RBFOX1: variants seen among roughly 807,000 people sequenced by gnomAD.
The protein encoded by RBFOX1 is RNA binding protein fox-1 homolog 1.
A neutral mutation model predicts 57.7 loss-of-function variants in RBFOX1; 8 were observed. The ratio of observed to expected loss-of-function variants is 0.14; its 90% CI spans 0.08 to 0.25. The LOEUF (loss-of-function observed/expected upper bound fraction) is 0.25. Ranked by LOEUF, RBFOX1 falls within the 10% of genes least tolerant of loss-of-function variation. The pLI is 1.00. For missense variants in RBFOX1, 611 were observed against 548.5 expected, an observed-to-expected ratio of 1.11 and a Z score of -1.14; for synonymous variants, 326 against 222.4, an observed-to-expected ratio of 1.47 and a Z score of -4.15.
chr16:6,381,290 T>C (rs2091788967), intron 2 of RBFOX1, among the ~76,000 whole-genome samples: 1 of 152,300 alleles, frequency 6.6e-6, no homozygotes, highest in Non-Finnish European at 1.5e-5. Flanking sequence ...ATAGTAAACA[T>C]TGTACCCAAA....
intron 3 of RBFOX1, among the ~76,000 whole-genome samples, chr16:6,826,646 C>G (rs144794960): frequency 1.2e-4 from 18 of 151,940 alleles, no homozygotes; most frequent in Admixed American, 2.0e-4. Flanking sequence ...AAAAACCTTC[C>G]TTTTTTTCTT....
At chr16:5,593,290 A>G (rs548147095) in intron 2 of RBFOX1, among the ~76,000 whole-genome samples, 21 of 152,008 alleles carry the variant, frequency 1.4e-4, no homozygotes, top group Non-Finnish European at 2.2e-4. Flanking sequence ...GAGTTGAACA[A>G]TAAGAACACA....
intron 2 of RBFOX1, among the ~76,000 whole-genome samples, chr16:5,551,791 G>A (rs879891871): frequency 1.8e-5 from 2 of 111,232 alleles, no homozygotes; most frequent in East Asian, 5.6e-4. Context: ...CCCTCCCTCC[G>A]CCCCCCACCC....
chr16:5,378,195 C>A (rs74003899), intron 1 of RBFOX1, among the ~76,000 whole-genome samples: 14,063 of 151,526 alleles, frequency 0.093, 1,158 homozygotes, highest in African/African-American at 0.17. Flanking sequence ...ACAGCTTCTC[C>A]TTGGGAAGTA....
At chr16:5,628,467 T>A (rs949788246) in intron 3 of RBFOX1, among the ~76,000 whole-genome samples, 79 of 152,178 alleles carry the variant, frequency 5.2e-4, no homozygotes, top group South Asian at 8.3e-4. Context: ...GTGATCATGC[T>A]GTGTTTGTTT....
intron 3 of RBFOX1, among the ~76,000 whole-genome samples, chr16:6,706,928 G>T (rs547633163): frequency 6.6e-6 from 1 of 152,070 alleles, no homozygotes; most frequent in Non-Finnish European, 1.5e-5. Context: ...TGTACAAGCT[G>T]TATAGTCACT....
chr16:6,993,392 T>C (rs1340203146), intron 3 of RBFOX1, among the ~76,000 whole-genome samples: 1 of 152,100 alleles, frequency 6.6e-6, no homozygotes, highest in Non-Finnish European at 1.5e-5. Flanking sequence ...AATAAATTCA[T>C]TTGCTTGGGT....
At chr16:5,386,397 C>A (rs893148812) in intron 1 of RBFOX1, among the ~76,000 whole-genome samples, 2 of 152,100 alleles carry the variant, frequency 1.3e-5, no homozygotes, top group Non-Finnish European at 2.9e-5. Context: ...GATTAATGCA[C>A]GTGGCCCATC....
intron 2 of RBFOX1, among the ~76,000 whole-genome samples, chr16:5,482,954 C>T (rs932557338): frequency 6.6e-6 from 1 of 152,160 alleles, no homozygotes; most frequent in African/African-American, 2.4e-5. Context: ...GGTTAGAAGT[C>T]CCTCTTTCTA....
chr16:5,640,719 T>G (rs761190671), intron 3 of RBFOX1, among the ~76,000 whole-genome samples: 15 of 143,060 alleles, frequency 1.0e-4, no homozygotes, highest in Non-Finnish European at 1.7e-4. Context: ...ACACGTACAC[T>G]ATGCATAGAA....
At chr16:6,847,502 G>A (rs1038540784) in intron 3 of RBFOX1, among the ~76,000 whole-genome samples, 9 of 152,060 alleles carry the variant, frequency 5.9e-5, no homozygotes, top group Admixed American at 5.2e-4. Flanking sequence ...TGTGGCCCAC[G>A]TTTTATTGGC....
chr16:5,668,200 G>A (rs994602253), intron 3 of RBFOX1, among the ~76,000 whole-genome samples: 2 of 152,226 alleles, frequency 1.3e-5, no homozygotes, highest in Admixed American at 1.3e-4. Context: ...AGAATTGTTT[G>A]AACCCGGGAG....
intron 4 of RBFOX1, among the ~76,000 whole-genome samples, chr16:7,217,964 CTG>C (rs2092367522): frequency 6.7e-6 from 1 of 149,440 alleles, no homozygotes; most frequent in African/African-American, 2.5e-5. Flanking sequence ...ACATGTGTAC[CTG>C]TGTCTGCGTG....
intron 3 of RBFOX1, among the ~76,000 whole-genome samples, chr16:6,927,950 A>T (rs1246394424): frequency 6.6e-6 from 1 of 152,198 alleles, no homozygotes. Flanking sequence ...ATAATCTTGA[A>T]GGTAGTTGCA....
exon 4 of RBFOX1, chr16:5,867,313 G>A: frequency 1.7e-6 from 2 of 1,210,876 alleles, no homozygotes; most frequent in Non-Finnish European, 2.1e-6. Context: ...GTTTCGGCAA[G>A]TCAGGCTACA....
intron 3 of RBFOX1, among the ~76,000 whole-genome samples, chr16:7,015,411 A>G (rs1231628179): frequency 1.3e-5 from 2 of 152,188 alleles, no homozygotes; most frequent in Non-Finnish European, 2.9e-5. Flanking sequence ...GAGCCGTATT[A>G]TAGACTTATG....
At chr16:5,391,874 G>GGT (rs747794354) in intron 1 of RBFOX1, among the ~76,000 whole-genome samples, 26 of 125,860 alleles carry the variant, frequency 2.1e-4, no homozygotes, top group South Asian at 1.5e-3. Context: ...AAGAAACTAT[G>GGT]GTGTGTGTGT....
At chr16:5,480,434 A>C (rs540453951) in intron 2 of RBFOX1, among the ~76,000 whole-genome samples, 2 of 152,184 alleles carry the variant, frequency 1.3e-5, no homozygotes, top group African/African-American at 4.8e-5. Flanking sequence ...AAATACAGAC[A>C]AGTATTAAGA....
intron 1 of RBFOX1, among the ~76,000 whole-genome samples, chr16:6,275,107 C>T (rs572493940): frequency 6.6e-6 from 1 of 152,092 alleles, no homozygotes; most frequent in African/African-American, 2.4e-5. Context: ...TGTGTACATA[C>T]CTACATCTCT....
Sources: allele counts gnomAD v4.1 joint callset (sites outside exome capture counted in the v4.1 genomes callset), GRCh38; gene constraint gnomAD v4.1.1; transcripts MANE v1.5; gene names NCBI Gene and HGNC (gene_info 2026-07-23, HGNC 2026-07-21).